The following SEMA3E variants were observed in gnomAD, a reference collection of about 807,000 sequenced individuals.
SEMA3E encodes the protein semaphorin 3E.
In SEMA3E, 49 loss-of-function variants were observed where a neutral mutation model predicts 93.6. The ratio of observed to expected loss-of-function variants is 0.52; its 90% CI spans 0.42 to 0.66. The LOEUF (loss-of-function observed/expected upper bound fraction) is 0.66. SEMA3E is among the 30% of genes least tolerant of loss of function. The pLI is 0.00. For missense variants in SEMA3E, 906 were observed against 964.8 expected (o/e 0.94, Z 0.81); for synonymous variants, 363 against 330.7 (o/e 1.10, Z -1.06).
intron 1 of SEMA3E, among the ~76,000 whole-genome samples, chr7:83,637,693 G>A (rs780762784): frequency 6.6e-6 from 1 of 151,742 alleles, no homozygotes; most frequent in Non-Finnish European, 1.5e-5. Context: ...TTCCCCTTCT[G>A]CCATGATTGT....
chr7:83,367,334 G>T lies in SEMA3E; in HGVS notation c.*252C>A. 1 of 423,532 alleles carries T rather than the reference G, an allele frequency of 2.4e-6. No individual in the cohort carries two copies. 26.2% of individuals were successfully genotyped at this position (423,532 alleles called of 1,614,324 possible). A position where few individuals can be genotyped will look rare whatever the true frequency, so the allele number is the denominator to read the frequency against. ...AAGCAGCCAAGTACTGAAAATAACAGCTACAGTTGTTTTTTGATAAACATA... is the reference window on the plus strand; with the variant it reads ...AAGCAGCCAAGTACTGAAAATAACATCTACAGTTGTTTTTTGATAAACATA... On this transcript the variant is annotated 3_prime_UTR_variant, in exon 17 of 17. Transcript: ENST00000643230.
intron 4 of SEMA3E, among the ~76,000 whole-genome samples, chr7:83,442,312 G>T (rs934409664): frequency 6.6e-6 from 1 of 152,092 alleles, no homozygotes. Context: ...CATTTTGGAT[G>T]CCGATCCTTT....
chr7:83,462,731 A>C (rs1789655129), intron 4 of SEMA3E, among the ~76,000 whole-genome samples: 1 of 145,590 alleles, frequency 6.9e-6, no homozygotes, highest in African/African-American at 2.6e-5. Flanking sequence ...AAAGCCTATA[A>C]ACTCTCCTTA....
At chr7:83,613,322 A>G (rs1300619190) in intron 1 of SEMA3E, among the ~76,000 whole-genome samples, 2 of 152,064 alleles carry the variant, frequency 1.3e-5, no homozygotes, top group African/African-American at 4.8e-5. Context: ...GAAGTAAAAC[A>G]TGGAAGGAAT....
chr7:83,631,578 C>A (rs2115674606), intron 1 of SEMA3E, among the ~76,000 whole-genome samples: 1 of 152,280 alleles, frequency 6.6e-6, no homozygotes, highest in Admixed American at 6.5e-5. Context: ...AGCAAAGACA[C>A]AATAGCAGAA....
intron 14 of SEMA3E, among the ~76,000 whole-genome samples, chr7:83,387,758 T>C (rs920873165): frequency 2.7e-5 from 4 of 149,736 alleles, no homozygotes; most frequent in African/African-American, 9.8e-5. Context: ...TCATAGATTG[T>C]TTAGATATAT....
At chr7:83,388,339 A>G (rs187060186) in intron 14 of SEMA3E, among the ~76,000 whole-genome samples, 175 of 145,772 alleles carry the variant, frequency 1.2e-3, no homozygotes, top group African/African-American at 3.9e-3. Flanking sequence ...AAATATATAT[A>G]TATCTTTAAA....
At chr7:83,510,696 G>A (rs527736057) in intron 1 of SEMA3E, among the ~76,000 whole-genome samples, 1 of 152,198 alleles carries the variant, frequency 6.6e-6, no homozygotes, top group East Asian at 1.9e-4. Context: ...GGCAAAAGTT[G>A]AGATAGAAAC....
rs200605783 is a variant in SEMA3E at position 83,418,884 on chromosome 7, A to AT, written c.457-402dup. Among the ~76,000 whole-genome samples, 192 of 103,400 alleles carry AT rather than the reference A, an allele frequency of 1.9e-3. 1 individual carries two copies. The highest frequency in any genetic ancestry group is 5.0e-3 in the African/African-American group (187 of 37,056). 67.8% of individuals were successfully genotyped at this position (103,400 alleles called of 152,430 possible). On this transcript the variant is annotated intron_variant, in intron 4 of 16. Transcript: ENST00000643230. ...AAGCATATCAAGAATGCTGTTGTTGATTTTTTTATAAATTAGATTTTTATT... is the reference window on the plus strand; with the variant it reads ...AAGCATATCAAGAATGCTGTTGTTGATTTTTTTTATAAATTAGATTTTTATT...
intron 1 of SEMA3E, among the ~76,000 whole-genome samples, chr7:83,604,381 A>G (rs1339687939): frequency 2.0e-5 from 3 of 151,604 alleles, no homozygotes; most frequent in African/African-American, 7.3e-5. Flanking sequence ...GGTAGAAATG[A>G]CACAGTTTTT....
intron 1 of SEMA3E, among the ~76,000 whole-genome samples, chr7:83,570,483 G>A (rs2535381): frequency 0.28 from 35,736 of 127,162 alleles, 5,469 homozygotes; most frequent in African/African-American, 0.42. Context: ...AACCCAGGAG[G>A]CGGAGCTTGC....
At chr7:83,389,013 T>G (rs1432762511) in intron 14 of SEMA3E, among the ~76,000 whole-genome samples, 2 of 150,514 alleles carry the variant, frequency 1.3e-5, no homozygotes, top group African/African-American at 4.9e-5. Flanking sequence ...TTAGTTTTAG[T>G]TTTTTTTTAA....
At chr7:83,585,176 T>C (rs921884211) in intron 1 of SEMA3E, among the ~76,000 whole-genome samples, 1 of 152,170 alleles carries the variant, frequency 6.6e-6, no homozygotes, top group Admixed American at 6.6e-5. Context: ...TCTGCAACAG[T>C]ATCCCATTTA....
At chr7:83,533,554 GATAAAATAAAATAAAATAAA>G (rs201440310) in intron 1 of SEMA3E, among the ~76,000 whole-genome samples, 21 of 149,808 alleles carry the variant, frequency 1.4e-4, no homozygotes, top group African/African-American at 4.5e-4. Flanking sequence ...AATAAAATAC[GATAAAATAAAATAAAATAAA>G]ATAAAATAAA....
intron 5 of SEMA3E, among the ~76,000 whole-genome samples, chr7:83,414,316 T>C (rs1788500476): frequency 6.6e-6 from 1 of 151,510 alleles, no homozygotes; most frequent in Non-Finnish European, 1.5e-5. Context: ...AATGCAAATA[T>C]AGTTAATTAA....
Position 83,405,955 on chromosome 7 carries a change from A to C in SEMA3E, c.918T>G (p.Phe306Leu). 6.2e-7 allele frequency: 1 copy of C among 1,611,040 alleles called. No homozygotes were observed. Among genetic ancestry groups the C allele is most frequent in the East Asian group, 2.2e-5 (1 of 44,818 alleles). Residue 306 changes from phenylalanine (F) to leucine (L), a missense_variant, in exon 8 of 17, where the codon TTT (phenylalanine) becomes TTG (leucine). Coordinates refer to ENST00000643230, the MANE Select transcript of SEMA3E (RefSeq NM_012431.3). ...VPGMNGIDTY[F>L]DELEDVFLLP... ...CCTAAAAACATTTACCTAATTCATC[A>C]AAATATGTGTCAATTCCATTCATTC... is the stretch of plus-strand genomic sequence containing the variant.
At chr7:83,499,233 G>C (rs2115592530) in intron 1 of SEMA3E, among the ~76,000 whole-genome samples, 1 of 152,192 alleles carries the variant, frequency 6.6e-6, no homozygotes, top group Admixed American at 6.5e-5. Context: ...AAATATATTG[G>C]TAAGATAAAT....
rs568025127 is a variant in SEMA3E, at chr7:83,379,733, T to C, written c.1875+5561A>G. 6.6e-5 allele frequency among the ~76,000 whole-genome samples: 10 copies of C among 152,032 alleles called. No individual in the cohort carries two copies. In the South Asian group the frequency reaches 2.1e-3, roughly 31 times the overall value. ...ATGCAAACTGACTTCACAAGCTGTG[T>C]AATCTTATGCAAGTAACTCAGTCTC... On this transcript the variant is annotated intron_variant, in intron 16 of 16. Coordinates refer to ENST00000643230, the MANE Select transcript of SEMA3E (RefSeq NM_012431.3).
chr7:83,549,351 C>A (rs1427292807), intron 1 of SEMA3E, among the ~76,000 whole-genome samples: 1 of 152,124 alleles, frequency 6.6e-6, no homozygotes, highest in East Asian at 1.9e-4. Flanking sequence ...GCCCATCCAT[C>A]AGATGGACCT....
Sources: allele counts gnomAD v4.1 joint callset (sites outside exome capture counted in the v4.1 genomes callset), GRCh38; gene constraint gnomAD v4.1.1; transcripts MANE v1.5; gene names NCBI Gene and HGNC (gene_info 2026-07-23, HGNC 2026-07-21).